SYT1: variants seen among roughly 807,000 people sequenced by gnomAD.
SYT1 encodes the protein synaptotagmin 1, also known as synaptotagmin-1.
SYT1 carries 8 observed loss-of-function variants against 44.8 expected under a neutral mutation model. The observed-to-expected ratio is 0.18, with a 90% CI of 0.10 to 0.32. The LOEUF is 0.32. Ranked by LOEUF, SYT1 falls within the 10% of genes least tolerant of loss-of-function variation. The pLI is 1.00. For synonymous variants in SYT1, 154 were observed against 188.8 expected (o/e 0.82, Z 1.51); for missense variants, 286 against 509.3 (o/e 0.56, Z 4.22).
chr12:79,285,868 G>A lies in SYT1; in HGVS notation c.248G>A (p.Cys83Tyr), dbSNP rs781298839. 7.4e-6 allele frequency: 12 copies of A among 1,613,650 alleles called. No individual in the cohort carries two copies. Among genetic ancestry groups the A allele is most frequent in the Non-Finnish European group, 1.0e-5 (12 of 1,179,886 alleles). Residue 83 changes from cysteine to tyrosine, a missense_variant, in exon 5 of 11, where the codon TGT becomes TAT. Around this residue, in one of 6 missense-constraint regions of SYT1, gnomAD observed 141 missense variants for 165.7 expected, o/e 0.85. Coordinates refer to ENST00000261205, the MANE Select transcript of SYT1 (RefSeq NM_005639.3). ...TGCTGCTTTTGTATCTGTAAGAAAT[G>A]TTTGTTCAAAAAGAAAAACAAGAAG... is the stretch of plus-strand genomic sequence containing the variant. ...LTCCFCICKK[C>Y]LFKKKNKKKG...
At chr12:79,430,133 G>A (rs1239363420) in intron 9 of SYT1, among the ~76,000 whole-genome samples, 2 of 152,074 alleles carry the variant, frequency 1.3e-5, no homozygotes, top group Admixed American at 6.6e-5. Flanking sequence ...AGAGGTGGAA[G>A]GAGAAAAAAA....
chr12:79,012,897 C>T (rs1871511686), intron 2 of SYT1, among the ~76,000 whole-genome samples: 1 of 152,066 alleles, frequency 6.6e-6, no homozygotes, highest in Non-Finnish European at 1.5e-5. Context: ...GGACGTACCC[C>T]AGCCCACCTC....
intron 2 of SYT1, among the ~76,000 whole-genome samples, chr12:78,988,796 T>C (rs1869828486): frequency 6.6e-6 from 1 of 152,024 alleles, no homozygotes; most frequent in Non-Finnish European, 1.5e-5. Flanking sequence ...AATAGGAAAA[T>C]GCTGTAAAAT....
intron 9 of SYT1, among the ~76,000 whole-genome samples, chr12:79,355,174 G>T (rs1039997045): frequency 2.0e-5 from 3 of 152,142 alleles, no homozygotes; most frequent in Admixed American, 2.0e-4. Context: ...CATCAGAGAG[G>T]CTGGCTGCAG....
intron 4 of SYT1, among the ~76,000 whole-genome samples, chr12:79,274,961 G>A (rs1878632523): frequency 6.6e-6 from 1 of 152,140 alleles, no homozygotes; most frequent in African/African-American, 2.4e-5. Flanking sequence ...TGGGAGACCA[G>A]AGGACAGATC....
At chr12:79,393,267 G>T (rs920394834) in intron 9 of SYT1, 2 of 152,146 alleles carry the variant, frequency 1.3e-5, no homozygotes, top group Non-Finnish European at 2.9e-5. Context: ...ATAAACATAC[G>T]TGTGCATGTG....
At chr12:79,226,102 T>A (rs1875501640) in intron 4 of SYT1, among the ~76,000 whole-genome samples, 1 of 152,188 alleles carries the variant, frequency 6.6e-6, no homozygotes, top group African/African-American at 2.4e-5. Context: ...CAATTTAACT[T>A]GTATCCTGAG....
chr12:78,869,733 C>A (rs908593032), intron 1 of SYT1, among the ~76,000 whole-genome samples: 1 of 151,932 alleles, frequency 6.6e-6, no homozygotes, highest in African/African-American at 2.4e-5. Context: ...ACATGCAAAA[C>A]AAATATTTTA....
chr12:79,407,710 GC>G (rs1593040983), intron 9 of SYT1, among the ~76,000 whole-genome samples: 1 of 152,042 alleles, frequency 6.6e-6, no homozygotes. Flanking sequence ...CTATTTGGTG[GC>G]CCCTCCTGAA....
chr12:79,131,372 T>C (rs1868809410), intron 3 of SYT1, among the ~76,000 whole-genome samples: 1 of 152,112 alleles, frequency 6.6e-6, no homozygotes, highest in African/African-American at 2.4e-5. Flanking sequence ...CTGTCCCTTA[T>C]TCCTTCAACA....
intron 8 of SYT1, among the ~76,000 whole-genome samples, chr12:79,352,695 C>T (rs551362169): frequency 2.0e-5 from 3 of 151,444 alleles, no homozygotes; most frequent in Non-Finnish European, 4.4e-5. Flanking sequence ...GAGTCTTTTC[C>T]GAAAAAAAAA....
intron 3 of SYT1, among the ~76,000 whole-genome samples, chr12:79,152,358 C>A (rs553805355): frequency 6.6e-6 from 1 of 152,180 alleles, no homozygotes; most frequent in South Asian, 2.1e-4. Flanking sequence ...GAGTGAGATA[C>A]AAACAGACAT....
At chr12:79,163,939 G>A (rs912485404) in intron 3 of SYT1, among the ~76,000 whole-genome samples, 2 of 151,908 alleles carry the variant, frequency 1.3e-5, no homozygotes, top group African/African-American at 4.8e-5. Context: ...TCTTCAATCA[G>A]GCTGTTGGTA....
At chr12:79,402,069 G>C (rs1885089897) in intron 9 of SYT1, among the ~76,000 whole-genome samples, 1 of 152,172 alleles carries the variant, frequency 6.6e-6, no homozygotes, top group Non-Finnish European at 1.5e-5. Flanking sequence ...TGTTGGCCTA[G>C]TGAGTGTTTT....
At chr12:78,931,244 AAGGAAG>A (rs1877673378) in intron 1 of SYT1, among the ~76,000 whole-genome samples, 160 of 32,264 alleles carry the variant, frequency 5.0e-3, no homozygotes, top group South Asian at 0.011. Flanking sequence ...AGAAAGAAGG[AAGGAAG>A]GAAGGAAGGA....
intron 9 of SYT1, chr12:79,392,305 CTT>C: frequency 6.6e-6 from 1 of 152,236 alleles, no homozygotes; most frequent in East Asian, 1.9e-4. Flanking sequence ...CACATCAACT[CTT>C]TGCTATTGTG....
chr12:79,232,043 G>A (rs1875901252), intron 4 of SYT1, among the ~76,000 whole-genome samples: 1 of 152,194 alleles, frequency 6.6e-6, no homozygotes, highest in Non-Finnish European at 1.5e-5. Context: ...ACTAGTGTGT[G>A]ACCTTGGGCA....
At chr12:79,069,814 A>C (rs1343106586) in intron 3 of SYT1, among the ~76,000 whole-genome samples, 1 of 152,096 alleles carries the variant, frequency 6.6e-6, no homozygotes, top group African/African-American at 2.4e-5. Flanking sequence ...GTTTGGGTGA[A>C]AGAATAATTT....
chr12:79,323,507 G>A (rs1480783961), intron 8 of SYT1, among the ~76,000 whole-genome samples: 1 of 152,150 alleles, frequency 6.6e-6, no homozygotes, highest in East Asian at 1.9e-4. Context: ...TTATTTTAAT[G>A]AAGTTTACTT....
Sources: gnomAD v4.1 joint callset for allele counts (sites outside exome capture counted in the v4.1 genomes callset) on GRCh38, gnomAD v4.1.1 for gene constraint, gnomAD v4.1.1 regional missense constraint, MANE v1.5 for transcripts, NCBI Gene and HGNC (gene_info 2026-07-23, HGNC 2026-07-21) for gene names.